The following TMPO variants were observed in gnomAD, a reference collection of about 807,000 sequenced individuals.
TMPO encodes LEM domain containing 4.
A neutral mutation model predicts 45.4 loss-of-function variants in TMPO; 22 were observed. The observed-to-expected ratio is 0.48, with a 90% CI of 0.35 to 0.69. The LOEUF is 0.69. Ranked by LOEUF, TMPO falls within the 30% of genes least tolerant of loss-of-function variation. The pLI, the probability that TMPO is intolerant of heterozygous loss-of-function variation, is 0.01. For synonymous variants in TMPO, 241 were observed against 204.1 expected (o/e 1.18, Z -1.54); for missense variants, 512 against 548.8 (o/e 0.93, Z 0.67).
At chr12:98,542,900 G>C (rs1005110411) in intron 4 of TMPO, among the ~76,000 whole-genome samples, 3 of 152,130 alleles carry the variant, frequency 2.0e-5, no homozygotes, top group Non-Finnish European at 4.4e-5. Flanking sequence ...GTTACTCTGT[G>C]TATGTCTGTA....
At chr12:98,535,463 A>G in intron 3 of TMPO, 1 of 985,306 alleles carries the variant, frequency 1.0e-6, no homozygotes, top group Non-Finnish European at 1.2e-6. Flanking sequence ...GGCCATTACC[A>G]CATTCTTAGA....
Position 98,515,785 on chromosome 12 carries a change from C to T in TMPO, c.-83C>T. ...GAGCCGTGAGGCTCGGAGGCGGCAG[C>T]GCGGTCCCCGGCCAGGAGCAAGCGC... is the stretch of plus-strand genomic sequence containing the variant. On this transcript the variant is annotated 5_prime_UTR_variant, in exon 1 of 9. Coordinates refer to ENST00000556029, the MANE Select transcript of TMPO (RefSeq NM_001032283.3). 1.3e-6 allele frequency: 2 copies of T among 1,551,160 alleles called. No individual in the cohort carries two copies. The highest frequency in any genetic ancestry group is 1.7e-6 in the Non-Finnish European group (2 of 1,148,306).
chr12:98,534,533 T>A, intron 3 of TMPO: 1 of 1,395,292 alleles, frequency 7.2e-7, no homozygotes, highest in East Asian at 2.8e-5. Flanking sequence ...TTTGCGTAGA[T>A]AGGAAGCCTG....
chr12:98,534,480 T>C (rs1046163282), intron 3 of TMPO: 1 of 1,497,518 alleles, frequency 6.7e-7, no homozygotes, highest in African/African-American at 1.4e-5. Context: ...AATTACAGTA[T>C]AAAAGTAATT....
intron 3 of TMPO, among the ~76,000 whole-genome samples, chr12:98,536,464 C>T (rs1225313589): frequency 6.6e-6 from 1 of 152,076 alleles, no homozygotes; most frequent in Non-Finnish European, 1.5e-5. Flanking sequence ...AGCAATTCTC[C>T]TGCCTTAGCC....
rs761808019 is a variant in TMPO at position 98,519,646 on chromosome 12, CAA to C, written c.279+3501_279+3502del. On this transcript the variant is annotated intron_variant, in intron 1 of 8. Coordinates refer to ENST00000556029, the MANE Select transcript of TMPO (RefSeq NM_001032283.3). ...TCTTCTACCTGGAGTATTTAAAACT[CAA>C]GAGGTGTTTACCCTTGACTGAGCTT... Among the ~76,000 whole-genome samples the C allele has an allele frequency of 8.5e-5, 13 of 152,224 alleles. No homozygotes were observed. In the East Asian group the frequency reaches 9.6e-4, roughly 11 times the overall value.
intron 4 of TMPO, among the ~76,000 whole-genome samples, chr12:98,540,501 C>T (rs1178817035): frequency 2.0e-5 from 3 of 152,136 alleles, no homozygotes; most frequent in Non-Finnish European, 2.9e-5. Flanking sequence ...GCCTCAGCCT[C>T]CTGAGTAGCT....
In TMPO at chr12:98,516,117, G is replaced by C. The variant is rs1454794600; in HGVS notation, c.250G>C (p.Ala84Pro). 1.3e-6 allele frequency: 2 copies of C among 1,501,648 alleles called. No homozygotes were observed. Among genetic ancestry groups the C allele is most frequent in the South Asian group, 2.6e-5 (2 of 78,268 alleles). 93.0% of individuals were successfully genotyped at this position (1,501,648 alleles called of 1,614,324 possible). ...TPVLGSGAAA[A>P]GRSRAAVGRK... is the part of the protein sequence containing the mutation. ...GGTCCTCGGCTCTGGGGCCGCCGCC[G>C]CGGGCCGGAGCCGAGCAGCCGTCGG... Residue 84 changes from alanine to proline, a missense_variant, in exon 1 of 9, where the codon GCG becomes CCG. Coordinates refer to ENST00000556029, the MANE Select transcript of TMPO (RefSeq NM_001032283.3).
intron 1 of TMPO, among the ~76,000 whole-genome samples, chr12:98,520,800 CTGATCTGG>C (rs1355062991): frequency 6.6e-6 from 1 of 151,800 alleles, no homozygotes; most frequent in Non-Finnish European, 1.5e-5. Context: ...TCTCTATCTC[CTGATCTGG>C]TGATCTGCCC....
intron 1 of TMPO, among the ~76,000 whole-genome samples, chr12:98,517,331 G>T (rs566440977): frequency 6.6e-6 from 1 of 152,180 alleles, no homozygotes; most frequent in Non-Finnish European, 1.5e-5. Flanking sequence ...TTTACCTGTG[G>T]ATTTTAATAT....
intron 8 of TMPO, among the ~76,000 whole-genome samples, chr12:98,547,087 T>A (rs1000597026): frequency 6.6e-6 from 1 of 151,838 alleles, no homozygotes; most frequent in Middle Eastern, 3.2e-3. Context: ...ACTTTTTTTT[T>A]TTTTTTGAGA....
chr12:98,533,942 A>T (rs766567371), intron 3 of TMPO: 1 of 1,613,904 alleles, frequency 6.2e-7, no homozygotes, highest in Non-Finnish European at 8.5e-7. Context: ...GAGTCTTGCA[A>T]TCAGCAGTTG....
rs201823688 is a variant in TMPO at position 98,519,938 on chromosome 12, C to CT, written c.279+3801dup. ...ATAAAAATAATACCAGGTCATATTT[C>CT]TTTTTTTTTCTTTCTTTCTTTTTTT... On this transcript the variant is annotated intron_variant, in intron 1 of 8. Coordinates refer to ENST00000556029, the MANE Select transcript of TMPO (RefSeq NM_001032283.3). 4.1e-3 allele frequency among the ~76,000 whole-genome samples: 626 copies of CT among 151,148 alleles called. 6 individuals are homozygous for CT. The highest frequency in any genetic ancestry group is 0.014 in the African/African-American group (595 of 41,198).
At position 98,547,841 on chromosome 12, in the gene TMPO, C is replaced by T. The variant is rs1204513104; in HGVS notation, c.1348C>T (p.Pro450Ser). ...NPFSNFLHVDPRKSN is the reference protein window; with the variant it reads ...NPFSNFLHVDSRKSN ...CTTCTCTAATTTTCTTCATGTTGAC[C>T]CTAGAAAATCCAACTGAATGGTATC... The change falls in exon 9 of 9, where the codon CCT (proline) becomes TCT (serine). Residue 450 changes from proline (P) to serine (S), a missense_variant. By Grantham distance (74) the Pro-to-Ser change is moderately conservative (BLOSUM62 -1). Coordinates refer to ENST00000556029, the MANE Select transcript of TMPO (RefSeq NM_001032283.3). The T allele has an allele frequency of 2.5e-6, 4 of 1,613,822 alleles. No individual in the cohort carries two copies. The highest frequency in any genetic ancestry group is 3.4e-6 in the Non-Finnish European group (4 of 1,180,002).
At position 98,527,942 on chromosome 12, in the gene TMPO, A is replaced by C; in HGVS notation, c.336A>C (p.Val112=). 1 of 1,613,966 alleles carries C rather than the reference A, an allele frequency of 6.2e-7. No homozygotes were observed. The highest frequency in any genetic ancestry group is 1.3e-5 in the African/African-American group (1 of 75,062). Reference sequence around the variant, plus strand: ...AAGAAGATAAAGATGATCTAGATGTAACAGAGCTCACTAATGAAGATCTTT... The same window carrying C: ...AAGAAGATAAAGATGATCTAGATGTCACAGAGCTCACTAATGAAGATCTTT... The part of the protein sequence containing the change: ...PRQEDKDDLD[V]TELTNEDLLD... The change falls in exon 2 of 9, where the codon GTA becomes GTC. Residue 112 remains valine, a synonymous_variant. Coordinates refer to ENST00000556029, the MANE Select transcript of TMPO (RefSeq NM_001032283.3).
Position 98,547,804 on chromosome 12 carries a change from C to T in TMPO, c.1311C>T (p.Asn437=), listed in dbSNP as rs770801240. Residue 437 remains asparagine (N), a synonymous_variant, in exon 9 of 9, where the codon AAC becomes AAT. Coordinates refer to ENST00000556029, the MANE Select transcript of TMPO (RefSeq NM_001032283.3). ...TGGTCTATCAAGCTATGGAAACCAA[C>T]CAAGTAAATCCCTTCTCTAATTTTC... The part of the protein sequence containing the change: ...LFLVYQAMET[N]QVNPFSNFLH... 1.9e-6 allele frequency: 3 copies of T among 1,613,968 alleles called. No individual in the cohort carries two copies. Among genetic ancestry groups the T allele is most frequent in the Non-Finnish European group, 2.5e-6 (3 of 1,180,002 alleles).
chr12:98,541,326 A>G (rs539334518), intron 4 of TMPO, among the ~76,000 whole-genome samples: 1 of 152,324 alleles, frequency 6.6e-6, no homozygotes, highest in East Asian at 1.9e-4. Context: ...TTCAGTAGGT[A>G]GTGCTAGGTA....
rs1213918883 is a variant in TMPO, at chr12:98,549,185, G to A, written c.*1327G>A. On this transcript the variant is annotated 3_prime_UTR_variant, in exon 9 of 9. Coordinates refer to ENST00000556029, the MANE Select transcript of TMPO (RefSeq NM_001032283.3). ...TACATCATAAGCAGTAGTTAATAAA[G>A]TTGTATACTCTTAAGAGGTGGGCAT... 6.6e-6 allele frequency: 1 copy of A among 152,078 alleles called. No homozygotes were observed. Among genetic ancestry groups the A allele is most frequent in the East Asian group, 1.9e-4 (1 of 5,200 alleles). The allele number at this position is 152,078 out of a possible 1,614,324, so 9.4% of individuals were successfully genotyped here. A position where few individuals can be genotyped will look rare whatever the true frequency, so the allele number is the denominator to read the frequency against.
At chr12:98,539,714 TC>T (rs887410002) in intron 4 of TMPO, among the ~76,000 whole-genome samples, 2 of 152,308 alleles carry the variant, frequency 1.3e-5, no homozygotes, top group Non-Finnish European at 2.9e-5. Context: ...CCTCAGGTGA[TC>T]CACCCGCCTT....
Sources: gnomAD v4.1 joint callset for allele counts (sites outside exome capture counted in the v4.1 genomes callset) on GRCh38, gnomAD v4.1.1 for gene constraint, MANE v1.5 for transcripts, NCBI Gene and HGNC (gene_info 2026-07-23, HGNC 2026-07-21) for gene names.